Variants in TMEM30A observed in about 807,000 individuals in gnomAD.
TMEM30A encodes cell cycle control protein 50A.
A neutral mutation model predicts 38.2 loss-of-function variants in TMEM30A; 24 were observed. The observed-to-expected ratio is 0.63, with a 90% CI of 0.46 to 0.88. The LOEUF is 0.88. Ranked by LOEUF, TMEM30A falls within the 40% of genes least tolerant of loss-of-function variation. TMEM30A has a pLI of 0.00. For missense variants in TMEM30A, 370 were observed against 458.6 expected (o/e 0.81, Z 1.77); for synonymous variants, 145 against 161.6 (o/e 0.90, Z 0.78).
intron 1 of TMEM30A, among the ~76,000 whole-genome samples, chr6:75,284,011 T>C (rs1351815251): frequency 1.3e-5 from 2 of 152,120 alleles, no homozygotes; most frequent in Non-Finnish European, 2.9e-5. Context: ...CAGGGTTACA[T>C]CTACCTAGTT....
At chr6:75,284,295 A>T in intron 1 of TMEM30A, 107 bp downstream of exon 1, 1 of 1,057,038 alleles carries the variant, frequency 9.5e-7, no homozygotes, top group Non-Finnish European at 1.5e-6. Context: ...GGACGGCGCG[A>T]GGTCAGCCAG....
intron 3 of TMEM30A, among the ~76,000 whole-genome samples, chr6:75,263,278 T>TA (rs892388923): frequency 5.9e-5 from 9 of 152,160 alleles, no homozygotes; most frequent in African/African-American, 1.9e-4. Context: ...GGGAGGATGA[T>TA]ATGTGATGAG....
chr6:75,279,527 C>T (rs1039563398), intron 1 of TMEM30A, among the ~76,000 whole-genome samples: 6 of 152,138 alleles, frequency 3.9e-5, no homozygotes, highest in Non-Finnish European at 5.9e-5. Context: ...TGCTTACTAA[C>T]GTCAAGAGCA....
At chr6:75,259,515 TACTA>T (rs748847819) in intron 4 of TMEM30A, 25 bp from the exon 5 acceptor site, 34 of 1,564,606 alleles carry the variant, frequency 2.2e-5, no homozygotes, top group Non-Finnish European at 2.5e-5. Context: ...AGAAAGACAT[TACTA>T]ACTATCTCTT....
At chr6:75,272,011 C>T (rs1772181190) in intron 1 of TMEM30A, among the ~76,000 whole-genome samples, 1 of 152,102 alleles carries the variant, frequency 6.6e-6, no homozygotes, top group Admixed American at 6.6e-5. Flanking sequence ...GTGGAAATCA[C>T]AAGGTATATT....
chr6:75,256,737 G>A (rs1048655054), intron 6 of TMEM30A: 1 of 483,232 alleles, frequency 2.1e-6, no homozygotes, highest in Non-Finnish European at 4.1e-6. Context: ...GTGTAGTTAT[G>A]AGACTATGAA....
chr6:75,258,044 C>T (rs1208018157), intron 6 of TMEM30A, among the ~76,000 whole-genome samples: 2 of 152,162 alleles, frequency 1.3e-5, no homozygotes, highest in South Asian at 2.1e-4. Flanking sequence ...CTAGCTAAGA[C>T]GCAGGCTATG....
At chr6:75,273,892 C>T (rs964164557) in intron 1 of TMEM30A, among the ~76,000 whole-genome samples, 1 of 152,226 alleles carries the variant, frequency 6.6e-6, no homozygotes, top group African/African-American at 2.4e-5. Context: ...CTTGATGGTA[C>T]TGACTGAGTT....
rs1355815429 is a variant in TMEM30A at position 75,259,434 on chromosome 6, T to C, written c.598A>G (p.Lys200Glu). Residue 200 changes from lysine to glutamate, a missense_variant, in exon 5 of 7, where the codon AAA (lysine) becomes GAA (glutamate). Lys to Glu is a moderately conservative substitution (Grantham distance 56). Coordinates refer to ENST00000230461, the MANE Select transcript of TMEM30A (RefSeq NM_018247.4). The stretch of plus-strand genomic sequence containing the variant: ...GTCCACCAAGCAATACCTTTCTTTT[T>C]CAAAGCGATAGGTATAGGATAAGAA... Reference protein sequence around the residue: ...NDSYPIPIALKKKGIAWWTDK... With the variant: ...NDSYPIPIALEKKGIAWWTDK... 6.2e-7 allele frequency: 1 copy of C among 1,613,382 alleles called. No individual in the cohort carries two copies. Among genetic ancestry groups the C allele is most frequent in the East Asian group, 2.2e-5 (1 of 44,768 alleles).
chr6:75,260,104 T>C (rs1341288008), intron 4 of TMEM30A, among the ~76,000 whole-genome samples: 1 of 152,110 alleles, frequency 6.6e-6, no homozygotes, highest in African/African-American at 2.4e-5. Flanking sequence ...ATATGACTAT[T>C]AGAAAATTTA....
chr6:75,256,951 G>A (rs911540755), intron 6 of TMEM30A, among the ~76,000 whole-genome samples: 1 of 152,016 alleles, frequency 6.6e-6, no homozygotes, highest in African/African-American at 2.4e-5. Flanking sequence ...TTTGCAAGAG[G>A]TAAGGCAGCA....
chr6:75,278,087 C>A (rs1165135073), intron 1 of TMEM30A, among the ~76,000 whole-genome samples: 1 of 152,062 alleles, frequency 6.6e-6, no homozygotes, highest in East Asian at 1.9e-4. Flanking sequence ...ATACCTAACT[C>A]ACTTTTCACA....
In TMEM30A at chr6:75,256,136, C is replaced by G; in HGVS notation, c.1052G>C (p.Arg351Thr). 6.2e-7 allele frequency: 1 copy of G among 1,611,838 alleles called. No individual in the cohort carries two copies. Among genetic ancestry groups the G allele is most frequent in the Non-Finnish European group, 8.5e-7 (1 of 1,178,456 alleles). The change falls in exon 7 of 7, where the codon AGA becomes ACA. Residue 351 changes from arginine to threonine, a missense_variant. Arg to Thr is a moderately conservative substitution (Grantham distance 71). Coordinates refer to ENST00000230461, the MANE Select transcript of TMEM30A (RefSeq NM_018247.4). The stretch of plus-strand genomic sequence containing the variant: ...AATGTCAGCTGTATTACTACTGTTT[C>G]TATATTTATGATTAATTACTAGCAG... ...VVLLVINHKY[R>T]NSSNTADITI
chr6:75,273,175 C>T (rs553409178), intron 1 of TMEM30A, among the ~76,000 whole-genome samples: 50 of 152,258 alleles, frequency 3.3e-4, no homozygotes, highest in African/African-American at 1.1e-3. Context: ...CTAAGCTAGC[C>T]AGAGCTGGTT....
rs908488336 is a variant in TMEM30A at position 75,255,284 on chromosome 6, C to G, written c.*818G>C. 1.3e-5 allele frequency: 2 copies of G among 152,508 alleles called. No homozygotes were observed. The highest frequency in any genetic ancestry group is 4.8e-5 in the African/African-American group (2 of 41,424). 9.4% of individuals were successfully genotyped at this position (152,508 alleles called of 1,614,324 possible). A position where few individuals can be genotyped will look rare whatever the true frequency, so the allele number is the denominator to read the frequency against. On this transcript the variant is annotated 3_prime_UTR_variant, in exon 7 of 7. Transcript: ENST00000230461. The stretch of plus-strand genomic sequence containing the variant: ...ACTTACATGTGGTTTACAGTTGAGG[C>G]AGAAGATGAAGGTCTGCCAAGCAGT...
chr6:75,260,544 A>C (rs778031203), intron 4 of TMEM30A, among the ~76,000 whole-genome samples: 2 of 152,228 alleles, frequency 1.3e-5, no homozygotes, highest in African/African-American at 2.4e-5. Context: ...AATGATAAAA[A>C]TGAAGTCAGT....
At chr6:75,274,888 G>A (rs1472650462) in intron 1 of TMEM30A, among the ~76,000 whole-genome samples, 1 of 152,116 alleles carries the variant, frequency 6.6e-6, no homozygotes, top group African/African-American at 2.4e-5. Flanking sequence ...GCGGGCGCCT[G>A]TAGTCCCAGC....
rs1302920860 is a variant in TMEM30A at position 75,255,042 on chromosome 6, CT to C, written c.*1059del. ...CCAACCAAAACAATTGGTGCCTTAACTAAAGAGAATGTGCATACACATTGCT... is the reference window on the plus strand; with the variant it reads ...CCAACCAAAACAATTGGTGCCTTAACAAAGAGAATGTGCATACACATTGCT... On this transcript the variant is annotated 3_prime_UTR_variant, in exon 7 of 7. Transcript: ENST00000230461. 1.3e-5 allele frequency: 2 copies of C among 152,416 alleles called. No homozygotes were observed. Among genetic ancestry groups the C allele is most frequent in the African/African-American group, 4.8e-5 (2 of 41,406 alleles). The allele number at this position is 152,416 out of a possible 1,614,324, so 9.4% of individuals were successfully genotyped here. A position where few individuals can be genotyped will look rare whatever the true frequency, so the allele number is the denominator to read the frequency against.
chr6:75,274,379 G>C (rs556105035), intron 1 of TMEM30A, among the ~76,000 whole-genome samples: 2 of 152,156 alleles, frequency 1.3e-5, no homozygotes, highest in Non-Finnish European at 2.9e-5. Flanking sequence ...GACAGAAACA[G>C]CCATAAGAGA....
Sources: gnomAD v4.1 joint callset for allele counts (sites outside exome capture counted in the v4.1 genomes callset) on GRCh38, gnomAD v4.1.1 for gene constraint, MANE v1.5 for transcripts, NCBI Gene and HGNC (gene_info 2026-07-23, HGNC 2026-07-21) for gene names.